The following VANGL1 variants were observed in gnomAD, a reference collection of about 807,000 sequenced individuals.
VANGL1 encodes the protein VANGL planar cell polarity protein 1, also known as vang-like protein 1.
A neutral mutation model predicts 48.4 loss-of-function variants in VANGL1; 18 were observed. That is an observed-to-expected ratio of 0.37 (90% CI 0.26 to 0.55). The LOEUF (loss-of-function observed/expected upper bound fraction) is 0.55. VANGL1 is among the 20% of genes least tolerant of loss of function. The pLI, the probability that VANGL1 is intolerant of heterozygous loss-of-function variation, is 0.81. For missense variants in VANGL1, 667 were observed against 675.8 expected (o/e 0.99, Z 0.14); for synonymous variants, 257 against 261.8 (o/e 0.98, Z 0.18).
At chr1:115,677,885 C>T (rs943894540) in intron 4 of VANGL1, among the ~76,000 whole-genome samples, 2 of 152,160 alleles carry the variant, frequency 1.3e-5, no homozygotes, top group Non-Finnish European at 2.9e-5. Flanking sequence ...TTCTTGCCTC[C>T]CACATTTCCC....
At chr1:115,653,803 T>C (rs1652242174) in intron 2 of VANGL1, among the ~76,000 whole-genome samples, 1 of 152,186 alleles carries the variant, frequency 6.6e-6, no homozygotes, top group African/African-American at 2.4e-5. Flanking sequence ...GCTGAGTCTT[T>C]TAATCAATTA....
At chr1:115,684,218 CA>C (rs1159693092) in intron 6 of VANGL1, 142 bp downstream of exon 6, 5 of 886,904 alleles carry the variant, frequency 5.6e-6, no homozygotes, top group Non-Finnish European at 7.5e-6. Context: ...GGCTCACTGT[CA>C]CCTCTGCCTC....
Position 115,685,365 on chromosome 1 carries a change from AG to A in VANGL1, c.1156del (p.Glu386ArgfsTer2). 1 of 1,614,170 alleles carries A rather than the reference AG, an allele frequency of 6.2e-7. No individual in the cohort carries two copies. The highest frequency in any genetic ancestry group is 8.5e-7 in the Non-Finnish European group (1 of 1,180,012). On this transcript the variant is annotated frameshift_variant, in exon 7 of 8. Coordinates refer to ENST00000355485, the MANE Select transcript of VANGL1 (RefSeq NM_138959.3). LOFTEE classifies it high-confidence loss of function. ...AGGCTGAGGAGCAGCAGAAAGCCCC[AG>A]GGGAGGTGATGGACCCTAGGGAGGC... is the stretch of plus-strand genomic sequence containing the variant. ...LQAEEQQKAP[G>X]EVMDPREAAQ...
In VANGL1 at chr1:115,693,413, C is replaced by A. The variant is rs1570783684; in HGVS notation, c.*2034C>A. 1 of 152,630 alleles carries A rather than the reference C, an allele frequency of 6.6e-6. No individual in the cohort carries two copies. Among genetic ancestry groups the A allele is most frequent in the African/African-American group, 2.4e-5 (1 of 41,448 alleles). 9.5% of individuals were successfully genotyped at this position (152,630 alleles called of 1,614,324 possible). A position where few individuals can be genotyped will look rare whatever the true frequency, so the allele number is the denominator to read the frequency against. ...CACTGTTCATCACCATTCTAAAATA[C>A]TGTTCTTCCAACCCTATCTTCAATG... On this transcript the variant is annotated 3_prime_UTR_variant, in exon 8 of 8. Coordinates refer to ENST00000355485, the MANE Select transcript of VANGL1 (RefSeq NM_138959.3).
chr1:115,658,718 C>T (rs1652435408), intron 2 of VANGL1, among the ~76,000 whole-genome samples: 1 of 152,100 alleles, frequency 6.6e-6, no homozygotes, highest in Non-Finnish European at 1.5e-5. Context: ...GTGGGGGATT[C>T]TGGGTTTCCT....
chr1:115,678,822 G>A (rs1282376535), intron 4 of VANGL1, among the ~76,000 whole-genome samples: 1 of 152,026 alleles, frequency 6.6e-6, no homozygotes, highest in Non-Finnish European at 1.5e-5. Context: ...TGGGCGTGGT[G>A]GCACGTGCTG....
At position 115,695,857 on chromosome 1, in the gene VANGL1, C is replaced by T. The variant is rs17034226; in HGVS notation, c.*4478C>T. ...ACCTTGAAGTATGGTCTAAATGATTCGGCACTTCTGGATGTTGAGGAAGGA... is the reference window on the plus strand; with the variant it reads ...ACCTTGAAGTATGGTCTAAATGATTTGGCACTTCTGGATGTTGAGGAAGGA... On this transcript the variant is annotated 3_prime_UTR_variant, in exon 8 of 8. Transcript: ENST00000355485. 63,486 of 151,978 alleles carry T rather than the reference C, an allele frequency of 0.42. 13,538 individuals carry two copies. Among genetic ancestry groups the T allele is most frequent in the African/African-American group, 0.5 (20,843 of 41,452 alleles). The allele number at this position is 151,978 out of a possible 1,614,324, so 9.4% of individuals were successfully genotyped here.
At chr1:115,673,666 C>A (rs967902234) in intron 4 of VANGL1, among the ~76,000 whole-genome samples, 5 of 142,592 alleles carry the variant, frequency 3.5e-5, no homozygotes, top group African/African-American at 1.3e-4. Context: ...TTAGTGCGAT[C>A]TCAGCTCTCT....
At chr1:115,668,410 T>A (rs1205820356) in intron 4 of VANGL1, among the ~76,000 whole-genome samples, 1 of 152,242 alleles carries the variant, frequency 6.6e-6, no homozygotes, top group Non-Finnish European at 1.5e-5. Context: ...GGTCCATTCC[T>A]TAGCTCCACT....
intron 4 of VANGL1, among the ~76,000 whole-genome samples, chr1:115,678,153 CT>C (rs766167719): frequency 9.1e-4 from 139 of 152,364 alleles, no homozygotes; most frequent in Non-Finnish European, 1.7e-3. Context: ...GCAAGACCAG[CT>C]TCCTTGACTC....
chr1:115,679,694 C>T (rs10923167), intron 4 of VANGL1, among the ~76,000 whole-genome samples: 42,811 of 152,180 alleles, frequency 0.28, 6,434 homozygotes, highest in East Asian at 0.53. Flanking sequence ...AACAGAAAAG[C>T]AAAACCCAGC....
chr1:115,673,865 G>T (rs1653071698), intron 4 of VANGL1, among the ~76,000 whole-genome samples: 1 of 152,186 alleles, frequency 6.6e-6, no homozygotes, highest in Non-Finnish European at 1.5e-5. Context: ...CTCCCAAAGT[G>T]CTGGGATTAC....
At position 115,679,840 on chromosome 1, in the gene VANGL1, AG is replaced by A. The variant is rs564666991; in HGVS notation, c.813-2518del. On this transcript the variant is annotated intron_variant, in intron 4 of 7. Transcript: ENST00000355485. ...AGAGATGTTTCTTTATCAGTGGAGGAGGGGGGATGAAGTGAGTTTGAACCCC... is the reference window on the plus strand; with the variant it reads ...AGAGATGTTTCTTTATCAGTGGAGGAGGGGGATGAAGTGAGTTTGAACCCC... Among the ~76,000 whole-genome samples the A allele has an allele frequency of 9.3e-4, 141 of 151,956 alleles. 2 individuals carry two copies. In the Middle Eastern group the frequency reaches 0.01, roughly 11 times the overall value.
At position 115,691,421 on chromosome 1, in the gene VANGL1, A is replaced by G. The variant is rs773274144; in HGVS notation, c.*42A>G. The G allele has an allele frequency of 6.4e-5, 101 of 1,569,124 alleles. No homozygotes were observed. The highest frequency in any genetic ancestry group is 8.2e-5 in the Non-Finnish European group (95 of 1,156,524). ...GCTTTATTAAAAAAAAAAGAAAAAT[A>G]TATAGAGAGATATATATCTATGCCA... On this transcript the variant is annotated 3_prime_UTR_variant, in exon 8 of 8. Coordinates refer to ENST00000355485, the MANE Select transcript of VANGL1 (RefSeq NM_138959.3).
intron 4 of VANGL1, among the ~76,000 whole-genome samples, chr1:115,670,402 A>G (rs1297060452): frequency 1.3e-5 from 2 of 152,184 alleles, no homozygotes; most frequent in Non-Finnish European, 2.9e-5. Flanking sequence ...CAGCTCATGC[A>G]TGCATCCTCC....
chr1:115,643,712 T>C (rs772233235), intron 1 of VANGL1, among the ~76,000 whole-genome samples: 2 of 152,222 alleles, frequency 1.3e-5, no homozygotes, highest in Non-Finnish European at 2.9e-5. Context: ...TATTGTCTTA[T>C]GTATTAAGCA....
chr1:115,684,809 G>A (rs1323237693), intron 6 of VANGL1, among the ~76,000 whole-genome samples: 2 of 152,162 alleles, frequency 1.3e-5, no homozygotes, highest in African/African-American at 4.8e-5. Flanking sequence ...CATCATGTGT[G>A]CTGTGCCTCT....
intron 7 of VANGL1, among the ~76,000 whole-genome samples, chr1:115,686,877 A>G (rs1653658473): frequency 1.2e-5 from 1 of 84,640 alleles, no homozygotes; most frequent in African/African-American, 4.6e-5. Flanking sequence ...ATCAATGAGG[A>G]TAATAATAAT....
intron 4 of VANGL1, among the ~76,000 whole-genome samples, chr1:115,668,645 T>G (rs1298233365): frequency 1.3e-5 from 2 of 152,276 alleles, no homozygotes; most frequent in African/African-American, 2.4e-5. Context: ...CAGGAGGTTC[T>G]TTAGCTGATC....
Sources: gnomAD v4.1 joint callset for allele counts (sites outside exome capture counted in the v4.1 genomes callset) on GRCh38, gnomAD v4.1.1 for gene constraint, MANE v1.5 for transcripts, NCBI Gene and HGNC (gene_info 2026-07-23, HGNC 2026-07-21) for gene names.